The following ITPK1 variants were observed in gnomAD, a reference collection of about 807,000 sequenced individuals.
ITPK1 encodes inositol-tetrakisphosphate 1-kinase.
Under a neutral mutation model 45.3 loss-of-function variants are expected in ITPK1, and 21 were observed. The ratio of observed to expected loss-of-function variants is 0.46; its 90% CI spans 0.33 to 0.67. The LOEUF (loss-of-function observed/expected upper bound fraction) is 0.67, where lower values mean the gene tolerates loss of function less well. ITPK1 is among the 30% of genes least tolerant of loss of function. ITPK1 has a pLI of 0.02. For missense variants in ITPK1, 474 were observed against 573.5 expected (o/e 0.83, Z 1.77); for synonymous variants, 258 against 253.6 (o/e 1.02, Z -0.16).
At chr14:93,053,699 G>A (rs115228454) in intron 3 of ITPK1, among the ~76,000 whole-genome samples, 1,625 of 152,288 alleles carry the variant, frequency 0.011, 27 homozygotes, top group African/African-American at 0.036. Context: ...CCAGGCTAGC[G>A]TGGGATGTTG....
chr14:93,083,334 C>G (rs919211151), intron 2 of ITPK1, among the ~76,000 whole-genome samples: 1 of 152,118 alleles, frequency 6.6e-6, no homozygotes, highest in Non-Finnish European at 1.5e-5. Flanking sequence ...CTGAGCCGCT[C>G]GGGGTCTCAG....
chr14:92,968,222 C>T (rs977906566), intron 5 of ITPK1, among the ~76,000 whole-genome samples: 12 of 151,824 alleles, frequency 7.9e-5, no homozygotes, highest in Non-Finnish European at 1.6e-4. Context: ...CCCAGCGACT[C>T]GGGGAGGCTG....
chr14:93,035,935 T>G (rs1889297978), intron 3 of ITPK1, among the ~76,000 whole-genome samples: 1 of 152,070 alleles, frequency 6.6e-6, no homozygotes, highest in African/African-American at 2.4e-5. Flanking sequence ...CAGGCCCAGG[T>G]GGATGTATGT....
intron 4 of ITPK1, among the ~76,000 whole-genome samples, chr14:93,008,123 T>C (rs1215108294): frequency 6.6e-6 from 1 of 152,212 alleles, no homozygotes; most frequent in Non-Finnish European, 1.5e-5. Flanking sequence ...GCTGCTCCCT[T>C]GCCTGCTCCC....
intron 2 of ITPK1, among the ~76,000 whole-genome samples, chr14:93,081,747 G>T (rs1891442523): frequency 6.6e-6 from 1 of 152,232 alleles, no homozygotes. Context: ...CCCAAAGGGT[G>T]TCTGGGGCTC....
At chr14:93,006,241 G>C (rs948986132) in intron 4 of ITPK1, among the ~76,000 whole-genome samples, 1 of 152,228 alleles carries the variant, frequency 6.6e-6, no homozygotes, top group Non-Finnish European at 1.5e-5. Flanking sequence ...CAAGGGGTAG[G>C]GGAAACGCTG....
At chr14:93,018,620 C>A (rs1392636613) in intron 3 of ITPK1, among the ~76,000 whole-genome samples, 2 of 152,130 alleles carry the variant, frequency 1.3e-5, no homozygotes, top group African/African-American at 4.8e-5. Context: ...GTGTACAAAA[C>A]AACATAAAAT....
chr14:93,054,428 A>C (rs1890141035), intron 3 of ITPK1, among the ~76,000 whole-genome samples: 1 of 152,180 alleles, frequency 6.6e-6, no homozygotes, highest in Non-Finnish European at 1.5e-5. Context: ...ACAGGAGGGA[A>C]CCCTGTTTCT....
chr14:92,953,621 C>A (rs752521434), intron 8 of ITPK1, among the ~76,000 whole-genome samples: 3 of 152,192 alleles, frequency 2.0e-5, no homozygotes, highest in Non-Finnish European at 4.4e-5. Flanking sequence ...ATAGCAGTTG[C>A]CGAATGGCGG....
Position 92,938,777 on chromosome 14 carries a change from C to T in ITPK1, c.*2784G>A. On this transcript the variant is annotated 3_prime_UTR_variant, in exon 11 of 11. Transcript: ENST00000267615. ...CCCTTGGCTCTTGGGGTGGGGACACCCAGCAGCTGGCACTCAGTTGGGGGG... is the reference window on the plus strand; with the variant it reads ...CCCTTGGCTCTTGGGGTGGGGACACTCAGCAGCTGGCACTCAGTTGGGGGG... The T allele has an allele frequency of 1.7e-6, 1 of 588,436 alleles. No individual in the cohort carries two copies. Among genetic ancestry groups the T allele is most frequent in the Non-Finnish European group, 3.0e-6 (1 of 330,944 alleles). 36.5% of individuals were successfully genotyped at this position (588,436 alleles called of 1,614,324 possible).
intron 3 of ITPK1, among the ~76,000 whole-genome samples, chr14:93,061,149 T>C (rs1440604120): frequency 6.6e-6 from 1 of 152,188 alleles, no homozygotes; most frequent in Non-Finnish European, 1.5e-5. Flanking sequence ...GGACTGCAAT[T>C]CCCCAAATGA....
Position 93,016,206 on chromosome 14 carries a change from C to T in ITPK1, c.246+470G>A, listed in dbSNP as rs1165712790. Reference sequence around the variant, plus strand: ...AAGGGACTCAGCAAGATACCTCAGGCCATGCTCAAAGGTGAGTACCCAGGT... The same window carrying T: ...AAGGGACTCAGCAAGATACCTCAGGTCATGCTCAAAGGTGAGTACCCAGGT... On this transcript the variant is annotated intron_variant, in intron 4 of 10. Coordinates refer to ENST00000267615, the MANE Select transcript of ITPK1 (RefSeq NM_014216.6). The surrounding 1 kb of genome is among the most constrained non-coding windows in gnomAD (Gnocchi z 5.0). Among the ~76,000 whole-genome samples the T allele has an allele frequency of 6.6e-6, 1 of 152,044 alleles. No homozygotes were observed. The highest frequency in any genetic ancestry group is 1.5e-5 in the Non-Finnish European group (1 of 68,016).
chr14:92,990,357 G>C (rs1486584627), intron 5 of ITPK1, among the ~76,000 whole-genome samples: 2 of 150,822 alleles, frequency 1.3e-5, no homozygotes, highest in Non-Finnish European at 3.0e-5. Flanking sequence ...GGACCAGATG[G>C]GCAGACCACA....
intron 3 of ITPK1, among the ~76,000 whole-genome samples, chr14:93,056,291 C>G (rs548540899): frequency 6.6e-6 from 1 of 152,156 alleles, no homozygotes; most frequent in Non-Finnish European, 1.5e-5. Flanking sequence ...CACCAAGAAC[C>G]GCCAGGCCAA....
intron 3 of ITPK1, among the ~76,000 whole-genome samples, chr14:93,045,692 T>TC (rs1335189852): frequency 2.6e-5 from 4 of 152,260 alleles, no homozygotes; most frequent in Admixed American, 6.5e-5. Flanking sequence ...AGACCTTGGC[T>TC]TACATGCAAT....
chr14:92,963,066 C>T (rs545477486), intron 5 of ITPK1, among the ~76,000 whole-genome samples: 1 of 152,312 alleles, frequency 6.6e-6, no homozygotes, highest in South Asian at 2.1e-4. Context: ...TTACAAAACT[C>T]GTGTATGATC....
At chr14:92,966,168 AT>A (rs1351556156) in intron 5 of ITPK1, among the ~76,000 whole-genome samples, 11 of 67,828 alleles carry the variant, frequency 1.6e-4, no homozygotes, top group African/African-American at 1.4e-3. Flanking sequence ...TACCCAACTA[AT>A]TGGTAGAGAT....
intron 2 of ITPK1, among the ~76,000 whole-genome samples, chr14:93,108,150 G>A (rs1451770111): frequency 6.6e-6 from 1 of 152,244 alleles, no homozygotes; most frequent in African/African-American, 2.4e-5. Flanking sequence ...CCACCAGAGT[G>A]GGAGAGGCTG....
At chr14:93,051,453 TA>T (rs1346450432) in intron 3 of ITPK1, among the ~76,000 whole-genome samples, 4 of 151,942 alleles carry the variant, frequency 2.6e-5, no homozygotes, top group African/African-American at 9.7e-5. Context: ...CTGTCTCTCC[TA>T]AAAATACAAA....
Sources: gnomAD v4.1 joint callset for allele counts (sites outside exome capture counted in the v4.1 genomes callset) on GRCh38, gnomAD v4.1.1 for gene constraint, Gnocchi (gnomAD v3.1) non-coding constraint, MANE v1.5 for transcripts, NCBI Gene and HGNC (gene_info 2026-07-23, HGNC 2026-07-21) for gene names.